PPP2R5E: variants seen among roughly 807,000 people sequenced by gnomAD.
PPP2R5E encodes serine/threonine-protein phosphatase 2A 56 kDa regulatory subunit epsilon isoform.
A neutral mutation model predicts 65.3 loss-of-function variants in PPP2R5E; 4 were observed. The ratio of observed to expected loss-of-function variants is 0.06; its 90% CI spans 0.03 to 0.14. The LOEUF is 0.14. Among genes scored for constraint, PPP2R5E ranks in the 10% least tolerant of loss-of-function variants. The pLI is 1.00. For synonymous variants in PPP2R5E, 183 were observed against 187.4 expected (o/e 0.98, Z 0.19); for missense variants, 274 against 556.1 (o/e 0.49, Z 5.10).
At chr14:63,517,983 GAATT>G (rs1210615046) in intron 2 of PPP2R5E, among the ~76,000 whole-genome samples, 3 of 152,146 alleles carry the variant, frequency 2.0e-5, no homozygotes, top group African/African-American at 7.2e-5. Context: ...ATAAAATAGG[GAATT>G]AAAACACATA....
chr14:63,540,521 C>A (rs1893854787), intron 1 of PPP2R5E, among the ~76,000 whole-genome samples: 1 of 150,096 alleles, frequency 6.7e-6, no homozygotes, highest in African/African-American at 2.5e-5. Context: ...TCGAGACCAG[C>A]CTGACCAACA....
At chr14:63,509,266 CCTT>C (rs1415945836) in intron 2 of PPP2R5E, among the ~76,000 whole-genome samples, 16 of 133,394 alleles carry the variant, frequency 1.2e-4, no homozygotes, top group African/African-American at 4.7e-4. Flanking sequence ...TTTAAAATAT[CCTT>C]TTTTTTTTTT....
At chr14:63,484,345 T>TCA (rs1239784741) in intron 2 of PPP2R5E, among the ~76,000 whole-genome samples, 37 of 124,348 alleles carry the variant, frequency 3.0e-4, no homozygotes, top group Middle Eastern at 4.2e-3. Flanking sequence ...TCTCTCTCTC[T>TCA]CTCACACACA....
chr14:63,412,931 T>C (rs1382001210), intron 5 of PPP2R5E, among the ~76,000 whole-genome samples: 1 of 152,192 alleles, frequency 6.6e-6, no homozygotes, highest in Non-Finnish European at 1.5e-5. Context: ...TGAAAGGTTA[T>C]GTCTGGGCTA....
At chr14:63,498,735 T>A (rs1163310576) in intron 2 of PPP2R5E, among the ~76,000 whole-genome samples, 2 of 152,206 alleles carry the variant, frequency 1.3e-5, no homozygotes, top group African/African-American at 4.8e-5. Flanking sequence ...AAATAATTCT[T>A]CATTAGTCAC....
chr14:63,445,218 C>T (rs865827575), intron 3 of PPP2R5E, among the ~76,000 whole-genome samples: 1 of 152,288 alleles, frequency 6.6e-6, no homozygotes, highest in Non-Finnish European at 1.5e-5. Flanking sequence ...GCACACCTCA[C>T]ATACATTATA....
intron 3 of PPP2R5E, among the ~76,000 whole-genome samples, chr14:63,429,326 T>C (rs1472738977): frequency 6.6e-6 from 1 of 152,170 alleles, no homozygotes; most frequent in Admixed American, 6.5e-5. Context: ...ATATCAACTA[T>C]AAATACAAAA....
At chr14:63,403,032 A>G (rs1316542005) in intron 5 of PPP2R5E, among the ~76,000 whole-genome samples, 1 of 152,200 alleles carries the variant, frequency 6.6e-6, no homozygotes, top group Non-Finnish European at 1.5e-5. Context: ...CACCTGGTGC[A>G]GGCCTTCTTA....
intron 2 of PPP2R5E, among the ~76,000 whole-genome samples, chr14:63,506,294 C>CA (rs1274356529): frequency 6.6e-6 from 1 of 151,684 alleles, no homozygotes; most frequent in South Asian, 2.1e-4. Flanking sequence ...ACTAAAAATA[C>CA]AAAAAAATTA....
intron 2 of PPP2R5E, among the ~76,000 whole-genome samples, chr14:63,500,582 A>G (rs1341910531): frequency 6.6e-6 from 1 of 152,228 alleles, no homozygotes; most frequent in Admixed American, 6.5e-5. Context: ...TAGAAATATG[A>G]CAGATCCCTG....
intron 2 of PPP2R5E, among the ~76,000 whole-genome samples, chr14:63,510,477 T>C (rs1010255560): frequency 6.6e-6 from 1 of 152,188 alleles, no homozygotes; most frequent in Non-Finnish European, 1.5e-5. Flanking sequence ...AGGAATAAAA[T>C]ACAGCAAGCC....
At chr14:63,526,150 A>G (rs980967259) in intron 2 of PPP2R5E, among the ~76,000 whole-genome samples, 1 of 152,044 alleles carries the variant, frequency 6.6e-6, no homozygotes, top group Admixed American at 6.6e-5. Flanking sequence ...GTGAGCCACC[A>G]TGCCTGGCCC....
At chr14:63,485,176 C>A (rs1302397099) in intron 2 of PPP2R5E, among the ~76,000 whole-genome samples, 1 of 146,142 alleles carries the variant, frequency 6.8e-6, no homozygotes, top group African/African-American at 2.6e-5. Flanking sequence ...CACAAAAGAA[C>A]TGCTACTGCT....
chr14:63,497,203 T>C (rs1022282346), intron 2 of PPP2R5E, among the ~76,000 whole-genome samples: 1 of 152,174 alleles, frequency 6.6e-6, no homozygotes, highest in Non-Finnish European at 1.5e-5. Context: ...AACCATTTTA[T>C]ATACAGATGC....
Position 63,539,692 on chromosome 14 carries a change from A to G in PPP2R5E, c.-7T>C. 6.2e-7 allele frequency: 1 copy of G among 1,611,964 alleles called. No homozygotes were observed. Among genetic ancestry groups the G allele is most frequent in the East Asian group, 2.2e-5 (1 of 44,810 alleles). ...TAGTTGGTGCTGAGGACATATCCCT[A>G]CTGAAGAGAAAGAAGTATCATAAAC... On this transcript the variant is annotated splice_region_variant and 5_prime_UTR_variant, in exon 2 of 14. Coordinates refer to ENST00000337537, the MANE Select transcript of PPP2R5E (RefSeq NM_006246.5).
intron 13 of PPP2R5E, among the ~76,000 whole-genome samples, chr14:63,381,809 G>C (rs1323556990): frequency 3.9e-5 from 6 of 152,206 alleles, no homozygotes; most frequent in Non-Finnish European, 8.8e-5. Context: ...ATACTACATA[G>C]TTCAGGTGTG....
intron 2 of PPP2R5E, among the ~76,000 whole-genome samples, chr14:63,502,757 T>C (rs1036119311): frequency 2.6e-5 from 4 of 152,178 alleles, no homozygotes; most frequent in Non-Finnish European, 5.9e-5. Flanking sequence ...TGAAATTTTA[T>C]AAAATTTTAT....
At chr14:63,482,845 AACATACAAGTAC>A (rs1189881301) in intron 2 of PPP2R5E, among the ~76,000 whole-genome samples, 17 of 152,208 alleles carry the variant, frequency 1.1e-4, no homozygotes, top group African/African-American at 3.6e-4. Flanking sequence ...CTGGGCCCTC[AACATACAAGTAC>A]ACATTCCTTG....
At chr14:63,467,620 C>T (rs1378973218) in intron 2 of PPP2R5E, among the ~76,000 whole-genome samples, 1 of 152,214 alleles carries the variant, frequency 6.6e-6, no homozygotes, top group Non-Finnish European at 1.5e-5. Context: ...ACTAGGTCCA[C>T]TATCTCAAAA....
Sources: allele counts gnomAD v4.1 joint callset (sites outside exome capture counted in the v4.1 genomes callset), GRCh38; gene constraint gnomAD v4.1.1; transcripts MANE v1.5; gene names NCBI Gene and HGNC (gene_info 2026-07-23, HGNC 2026-07-21).